The following CHIC2 variants were observed in gnomAD, a reference collection of about 807,000 sequenced individuals.
CHIC2 encodes the protein cysteine-rich hydrophobic domain-containing protein 2.
CHIC2 carries 14 observed loss-of-function variants against 25.9 expected under a neutral mutation model. That is an observed-to-expected ratio of 0.54 (90% CI 0.36 to 0.85). CHIC2 has a LOEUF of 0.85. CHIC2 is among the 40% of genes least tolerant of loss of function. The pLI, the probability that CHIC2 is intolerant of heterozygous loss-of-function variation, is 0.01. For missense variants in CHIC2, 146 were observed against 202.0 expected (o/e 0.72, Z 1.68); for synonymous variants, 70 against 72.0 (o/e 0.97, Z 0.14).
chr4:54,010,275 C>T, intron 5 of CHIC2, 130 bp from the exon 6 acceptor site: 4 of 620,784 alleles, frequency 6.4e-6, no homozygotes, highest in East Asian at 2.8e-5. Flanking sequence ...ATTACTAAAA[C>T]AGATCTTTAT....
At chr4:54,067,852 T>C (rs1251724119), upstream of CHIC2, among the ~76,000 whole-genome samples, 1 of 151,946 alleles carries the variant, frequency 6.6e-6, no homozygotes, top group Non-Finnish European at 1.5e-5. Flanking sequence ...CATCTTCAAA[T>C]GGAAACTATG....
chr4:54,077,939 C>T, the CHIC2 span, among the ~76,000 whole-genome samples: 1 of 152,218 alleles, frequency 6.6e-6, no homozygotes. Flanking sequence ...CACCTACACC[C>T]TGTGACATCA....
At chr4:54,053,221 C>T (rs1030200848) in intron 1 of CHIC2, among the ~76,000 whole-genome samples, 1 of 152,108 alleles carries the variant, frequency 6.6e-6, no homozygotes, top group Non-Finnish European at 1.5e-5. Flanking sequence ...ATAGAATTTT[C>T]AGGAGTGCCA....
At chr4:54,038,764 G>GT (rs1458058160) in intron 3 of CHIC2, among the ~76,000 whole-genome samples, 1 of 151,968 alleles carries the variant, frequency 6.6e-6, no homozygotes, top group Non-Finnish European at 1.5e-5. Flanking sequence ...GCTCACATCT[G>GT]TAATTCCAGC....
intron 3 of CHIC2, among the ~76,000 whole-genome samples, chr4:54,029,109 G>A (rs1458391205): frequency 6.7e-6 from 1 of 148,894 alleles, no homozygotes; most frequent in African/African-American, 2.5e-5. Context: ...CTGACAGAGC[G>A]AGACTCCATC....
the CHIC2 span, among the ~76,000 whole-genome samples, chr4:54,078,703 T>C: frequency 2.6e-5 from 4 of 151,824 alleles, no homozygotes; most frequent in African/African-American, 7.2e-5. Context: ...TTAGTAGAGA[T>C]GGGGTTTCGC....
intron 3 of CHIC2, among the ~76,000 whole-genome samples, chr4:54,047,151 A>T (rs1166746191): frequency 6.6e-6 from 1 of 152,174 alleles, no homozygotes; most frequent in Admixed American, 6.5e-5. Context: ...AGGAAACAAC[A>T]GGTGCTGGAG....
chr4:54,044,375 T>C (rs975305670), intron 3 of CHIC2, among the ~76,000 whole-genome samples: 23 of 152,142 alleles, frequency 1.5e-4, no homozygotes, highest in Non-Finnish European at 3.1e-4. Context: ...ACCACACCTA[T>C]TCCAAAACTG....
At chr4:54,078,788 T>G in the CHIC2 span, among the ~76,000 whole-genome samples, 3 of 152,044 alleles carry the variant, frequency 2.0e-5, no homozygotes, top group Non-Finnish European at 4.4e-5. Flanking sequence ...GTGCTGGGAT[T>G]ACATAAGTGA....
intron 1 of CHIC2, among the ~76,000 whole-genome samples, chr4:54,055,490 C>T (rs936512379): frequency 9.9e-5 from 15 of 152,072 alleles, no homozygotes; most frequent in Non-Finnish European, 2.9e-5. Context: ...GGAAGGCTGC[C>T]GTTGAAGCTG....
chr4:54,049,424 C>A, intron 1 of CHIC2, 119 bp from the exon 2 acceptor site: 1 of 537,860 alleles, frequency 1.9e-6, no homozygotes, highest in Non-Finnish European at 3.2e-6. Flanking sequence ...AAGTTTTAGA[C>A]ATAAAATGGA....
At chr4:54,086,242 T>C in the CHIC2 span, among the ~76,000 whole-genome samples, 3 of 152,156 alleles carry the variant, frequency 2.0e-5, no homozygotes, top group East Asian at 5.8e-4. Context: ...TGCAAAATGC[T>C]GGTCATACAC....
intron 3 of CHIC2, among the ~76,000 whole-genome samples, chr4:54,034,567 T>C (rs1166272111): frequency 6.6e-6 from 1 of 152,200 alleles, no homozygotes; most frequent in Non-Finnish European, 1.5e-5. Context: ...TTTATGCTAC[T>C]TAAAAATTGT....
intron 1 of CHIC2, among the ~76,000 whole-genome samples, chr4:54,057,645 T>C (rs781437927): frequency 1.1e-4 from 16 of 152,238 alleles, no homozygotes; most frequent in Non-Finnish European, 2.2e-4. Flanking sequence ...GTGTGTTTCA[T>C]TTTGGGTTTC....
intron 3 of CHIC2, among the ~76,000 whole-genome samples, chr4:54,027,018 G>A (rs1233130876): frequency 2.0e-5 from 3 of 151,998 alleles, no homozygotes; most frequent in African/African-American, 4.8e-5. Flanking sequence ...CAAGGCTATC[G>A]GCCTTGAATA....
chr4:54,011,292 T>C (rs930876555), intron 5 of CHIC2, among the ~76,000 whole-genome samples: 2 of 152,092 alleles, frequency 1.3e-5, no homozygotes, highest in African/African-American at 2.4e-5. Context: ...TCAAAAATAT[T>C]CCTGTCCTAC....
the CHIC2 span, among the ~76,000 whole-genome samples, chr4:54,080,037 T>C: frequency 2.0e-5 from 3 of 151,592 alleles, no homozygotes; most frequent in Admixed American, 6.6e-5. Context: ...CAAAGAGATA[T>C]CTGCATTCTC....
At chr4:54,054,668 G>A (rs1717120018) in intron 1 of CHIC2, among the ~76,000 whole-genome samples, 1 of 152,164 alleles carries the variant, frequency 6.6e-6, no homozygotes, top group Non-Finnish European at 1.5e-5. Context: ...TCACAAGTGG[G>A]CATCTGCTTT....
chr4:54,071,779 C>G, the CHIC2 span, among the ~76,000 whole-genome samples: 18 of 151,922 alleles, frequency 1.2e-4, no homozygotes, highest in African/African-American at 4.3e-4. Context: ...TCGAGACCAG[C>G]CTGGCCAGCA....
Sources: allele counts gnomAD v4.1 joint callset (sites outside exome capture counted in the v4.1 genomes callset), GRCh38; gene constraint gnomAD v4.1.1; transcripts MANE v1.5; gene names NCBI Gene and HGNC (gene_info 2026-07-23, HGNC 2026-07-21).